Variants in DCHS2 observed in about 807,000 individuals in gnomAD.
DCHS2 encodes the protein dachsous cadherin-related 2, also known as protocadherin-23.
Under a neutral mutation model 182.4 loss-of-function variants are expected in DCHS2, and 142 were observed. That is an observed-to-expected ratio of 0.78 (90% CI 0.68 to 0.89). DCHS2 has a LOEUF of 0.89. Ranked by LOEUF, DCHS2 falls within the 40% of genes least tolerant of loss-of-function variation. DCHS2 has a pLI of 0.00. For missense variants in DCHS2, 4,319 were observed against 4,198.6 expected, an observed-to-expected ratio of 1.03 and a Z score of -0.79; for synonymous variants, 1,740 against 1,663.3, an observed-to-expected ratio of 1.05 and a Z score of -1.12.
At chr4:154,487,531 A>T (rs779683056) in intron 1 of DCHS2, among the ~76,000 whole-genome samples, 3 of 152,224 alleles carry the variant, frequency 2.0e-5, no homozygotes, top group Non-Finnish European at 4.4e-5. Flanking sequence ...TTAATAATCT[A>T]GCAACTCAGA....
At chr4:154,270,172 G>C (rs1291814140) in intron 13 of DCHS2, among the ~76,000 whole-genome samples, 159 bp from the exon 14 acceptor site, 1 of 152,230 alleles carries the variant, frequency 6.6e-6, no homozygotes, top group Non-Finnish European at 1.5e-5. Context: ...TCCCATGCTA[G>C]GTGCTAGGGA....
intron 3 of DCHS2, among the ~76,000 whole-genome samples, chr4:154,340,312 A>G (rs1275996614): frequency 6.6e-6 from 1 of 152,224 alleles, no homozygotes; most frequent in Non-Finnish European, 1.5e-5. Flanking sequence ...GTTATAATAA[A>G]CAAACTCTGG....
chr4:154,247,624 A>C, intron 16 of DCHS2, among the ~76,000 whole-genome samples: 1 of 144,490 alleles, frequency 6.9e-6, no homozygotes, highest in South Asian at 2.1e-4. Flanking sequence ...GTGAAGAGCA[A>C]GACTCCGTCT....
intron 9 of DCHS2, 62 bp from the exon 10 acceptor site, chr4:154,316,049 C>T (rs1735844945): frequency 1.3e-6 from 2 of 1,590,766 alleles, no homozygotes; most frequent in South Asian, 1.1e-5. Context: ...GTCATGCTTA[C>T]TCCACTTATA....
At chr4:154,312,323 A>C (rs1017841094) in intron 10 of DCHS2, among the ~76,000 whole-genome samples, 3 of 152,212 alleles carry the variant, frequency 2.0e-5, no homozygotes, top group Non-Finnish European at 2.9e-5. Flanking sequence ...ATTAGATTGA[A>C]TCTAAAATGA....
intron 1 of DCHS2, among the ~76,000 whole-genome samples, chr4:154,475,889 C>T (rs1012825221): frequency 3.9e-5 from 6 of 152,160 alleles, no homozygotes; most frequent in African/African-American, 7.2e-5. Flanking sequence ...TCAATACACA[C>T]AGCTTATGAA....
At chr4:154,285,446 G>T (rs1466406511) in intron 13 of DCHS2, among the ~76,000 whole-genome samples, 1 of 152,144 alleles carries the variant, frequency 6.6e-6, no homozygotes, top group Non-Finnish European at 1.5e-5. Flanking sequence ...ATTGATTCCG[G>T]GCCTTGGCTC....
chr4:154,296,482 C>T (rs1055311540), intron 13 of DCHS2, among the ~76,000 whole-genome samples: 2 of 152,072 alleles, frequency 1.3e-5, no homozygotes, highest in African/African-American at 4.8e-5. Context: ...TAATGACTGA[C>T]TCTTAAAGAA....
chr4:154,472,291 G>A (rs1358854730), intron 1 of DCHS2, among the ~76,000 whole-genome samples: 1 of 152,206 alleles, frequency 6.6e-6, no homozygotes, highest in Non-Finnish European at 1.5e-5. Context: ...AGAACAGTAT[G>A]AAAGTAATCT....
chr4:154,256,539 G>A (rs943002099), intron 15 of DCHS2, among the ~76,000 whole-genome samples: 9 of 152,118 alleles, frequency 5.9e-5, no homozygotes, highest in African/African-American at 1.9e-4. Flanking sequence ...TATCAAAGTT[G>A]TGTTGAGGAT....
At chr4:154,259,916 G>A (rs1023032128) in intron 14 of DCHS2, among the ~76,000 whole-genome samples, 160 bp from the exon 15 acceptor site, 4 of 152,032 alleles carry the variant, frequency 2.6e-5, no homozygotes, top group East Asian at 1.9e-4. Flanking sequence ...TACGCCTCCC[G>A]GGTTCAAGCG....
intron 1 of DCHS2, among the ~76,000 whole-genome samples, chr4:154,449,672 C>T (rs1734455147): frequency 6.6e-6 from 1 of 152,068 alleles, no homozygotes; most frequent in African/African-American, 2.4e-5. Flanking sequence ...CACGCCCAGC[C>T]AATCTTTATT....
At position 154,489,723 on chromosome 4, in the gene DCHS2, T is replaced by A; in HGVS notation, c.1633A>T (p.Lys545Ter). Residue 545 changes from lysine (K) to a stop codon, truncating the protein, a stop_gained, in exon 1 of 20, where the codon AAG becomes TAG. Transcript: ENST00000357232. LOFTEE classifies it high-confidence loss of function. ...GCCGCGGCCTCGGACACTGAGGCCTTGTAATGCTGTTGGCTGAAGAGAGGT... is the reference window on the plus strand; with the variant it reads ...GCCGCGGCCTCGGACACTGAGGCCTAGTAATGCTGTTGGCTGAAGAGAGGT... ...QPPLFSQQHY[K>*]ASVSEAAAPG... The A allele has an allele frequency of 1.3e-6, 2 of 1,551,598 alleles. No individual in the cohort carries two copies. The highest frequency in any genetic ancestry group is 1.7e-6 in the Non-Finnish European group (2 of 1,146,938).
At chr4:154,466,389 G>C (rs1735239943) in intron 1 of DCHS2, among the ~76,000 whole-genome samples, 1 of 152,170 alleles carries the variant, frequency 6.6e-6, no homozygotes, top group Non-Finnish European at 1.5e-5. Context: ...GGGCAAAATA[G>C]ATGGCCAGAT....
chr4:154,404,400 A>G (rs73854735), intron 1 of DCHS2, among the ~76,000 whole-genome samples: 5,765 of 152,304 alleles, frequency 0.038, 122 homozygotes, highest in Non-Finnish European at 0.05. Context: ...TATGACTTCA[A>G]TCCTTTAAGT....
rs755254495 is a variant in DCHS2, at chr4:154,297,928, T to G, written c.6386A>C (p.His2129Pro). The G allele has an allele frequency of 2.5e-6, 4 of 1,614,034 alleles. No individual in the cohort carries two copies. In the African/African-American group the frequency reaches 5.3e-5, roughly 22 times the overall value. Reference sequence around the variant, plus strand: ...AATCTTTACATCTTCTCCTTCCATGTGAATGACCAAGAGACCCGTGGTTGT... The same window carrying G: ...AATCTTTACATCTTCTCCTTCCATGGGAATGACCAAGAGACCCGTGGTTGT... ...ARTTTGLLVI[H>P]MEGEDVKISF... Residue 2129 changes from histidine (H) to proline (P), a missense_variant, in exon 13 of 20, where the codon CAC (histidine) becomes CCC (proline). Coordinates refer to ENST00000357232, the MANE Select transcript of DCHS2 (RefSeq NM_001358235.2).
At chr4:154,438,781 TC>T (rs1328002986) in intron 1 of DCHS2, among the ~76,000 whole-genome samples, 1 of 152,180 alleles carries the variant, frequency 6.6e-6, no homozygotes, top group Non-Finnish European at 1.5e-5. Flanking sequence ...TAAATTTTTT[TC>T]CTTTTACTTA....
chr4:154,371,804 A>G (rs898410518), intron 2 of DCHS2, among the ~76,000 whole-genome samples: 22 of 152,182 alleles, frequency 1.4e-4, no homozygotes, highest in African/African-American at 5.3e-4. Flanking sequence ...CTTTTAAATA[A>G]CCAGATCTCA....
In DCHS2 at chr4:154,298,186, A is replaced by G. The variant is rs144718618; in HGVS notation, c.6128T>C (p.Phe2043Ser). 2.2e-4 allele frequency: 354 copies of G among 1,614,150 alleles called. 3 individuals carry two copies. In the African/African-American group the frequency reaches 4.3e-3, roughly 20 times the overall value. Reference sequence around the variant, plus strand: ...CGACTCGGGGGAAAGAAACACATCAAAAGGGTTCTGTTCCAAAACTGGATC... The same window carrying G: ...CGACTCGGGGGAAAGAAACACATCAGAAGGGTTCTGTTCCAAAACTGGATC... ...DNDPVLEQNP[F>S]DVFLSPESPT... Residue 2043 changes from phenylalanine (F) to serine (S), a missense_variant, in exon 13 of 20, where the codon TTT becomes TCT. Physicochemically the swap from Phe to Ser is radical, Grantham distance 155. Transcript: ENST00000357232.
Sources: gnomAD v4.1 joint callset for allele counts (sites outside exome capture counted in the v4.1 genomes callset) on GRCh38, gnomAD v4.1.1 for gene constraint, MANE v1.5 for transcripts, NCBI Gene and HGNC (gene_info 2026-07-23, HGNC 2026-07-21) for gene names.